The following DIS3L2 variants were observed in gnomAD, a reference collection of about 807,000 sequenced individuals.
The protein encoded by DIS3L2 is DIS3 like 3'-5' exoribonuclease 2.
DIS3L2 carries 34 observed loss-of-function variants against 97.5 expected under a neutral mutation model. The ratio of observed to expected loss-of-function variants is 0.35; its 90% confidence interval spans 0.27 to 0.46. DIS3L2 has a LOEUF of 0.46. DIS3L2 is among the 20% of genes least tolerant of loss of function. The probability of loss-of-function intolerance (pLI) is 1.00; values close to 1 mark genes in which losing one functional copy is unlikely to be tolerated. For missense variants in DIS3L2, 1,038 were observed against 1,146.0 expected (o/e 0.91, Z 1.36); for synonymous variants, 435 against 445.2 (o/e 0.98, Z 0.29).
chr2:232,323,260 G>T (rs1419006979), intron 14 of DIS3L2, among the ~76,000 whole-genome samples: 1 of 152,246 alleles, frequency 6.6e-6, no homozygotes, highest in Non-Finnish European at 1.5e-5. Flanking sequence ...ACCTCTGGGA[G>T]CAGAGCCCGA....
At chr2:232,176,488 T>G (rs1348120805) in intron 9 of DIS3L2, among the ~76,000 whole-genome samples, 3 of 151,982 alleles carry the variant, frequency 2.0e-5, no homozygotes. Flanking sequence ...TACTCTAATC[T>G]TTGTTATTTT....
chr2:232,129,905 G>A (rs1034506841), intron 6 of DIS3L2, among the ~76,000 whole-genome samples: 1 of 152,178 alleles, frequency 6.6e-6, no homozygotes, highest in Non-Finnish European at 1.5e-5. Context: ...AATTTTAAAT[G>A]TTTAGAAGTG....
At chr2:232,228,176 G>A (rs1692696950) in intron 10 of DIS3L2, among the ~76,000 whole-genome samples, 1 of 152,174 alleles carries the variant, frequency 6.6e-6, no homozygotes, top group Admixed American at 6.5e-5. Flanking sequence ...ATGTTGGTCA[G>A]GCTAGTCTCC....
chr2:232,227,168 A>G (rs1692673044), intron 10 of DIS3L2, among the ~76,000 whole-genome samples: 1 of 152,182 alleles, frequency 6.6e-6, no homozygotes, highest in Non-Finnish European at 1.5e-5. Flanking sequence ...TACTATGTCT[A>G]CTTACTTGTT....
intron 9 of DIS3L2, among the ~76,000 whole-genome samples, chr2:232,166,132 A>G (rs1251082096): frequency 6.6e-6 from 1 of 150,914 alleles, no homozygotes; most frequent in Non-Finnish European, 1.5e-5. Context: ...TTAGCCAGGC[A>G]CAGTGGTGTG....
intron 14 of DIS3L2, among the ~76,000 whole-genome samples, chr2:232,313,051 T>C (rs916865028): frequency 6.6e-6 from 1 of 152,086 alleles, no homozygotes; most frequent in Admixed American, 6.5e-5. Flanking sequence ...CTGCAAATAA[T>C]GACAGTTTTA....
rs1314646524 is a variant in DIS3L2, at chr2:232,269,755, A to AGAGG, written c.1659+6318_1659+6319insGGAG. On this transcript the variant is annotated intron_variant, in intron 13 of 20. Transcript: ENST00000325385. The surrounding 1 kb of genome is among the most constrained non-coding windows in gnomAD (Gnocchi z 4.5). ...TTCCAGGGTGTGTGGTGTAGGGTGC[A>AGAGG]GAGAGAGAGAGGAGCTAGAGGAGAC... 2.8e-5 allele frequency among the ~76,000 whole-genome samples: 1 copy of AGAGG among 36,006 alleles called. No individual in the cohort carries two copies. The highest frequency in any genetic ancestry group is 6.8e-4 in the African/African-American group (1 of 1,472). 23.6% of individuals were successfully genotyped at this position (36,006 alleles called of 152,430 possible).
intron 1 of DIS3L2, among the ~76,000 whole-genome samples, chr2:231,993,770 T>C (rs1038063932): frequency 2.0e-5 from 3 of 152,126 alleles, no homozygotes; most frequent in Admixed American, 6.5e-5. Flanking sequence ...TGCATTTTTT[T>C]TTTTTTTTTG....
At chr2:232,018,269 A>G (rs532055178) in intron 3 of DIS3L2, among the ~76,000 whole-genome samples, 10 of 116,866 alleles carry the variant, frequency 8.6e-5, no homozygotes, top group Non-Finnish European at 1.5e-4. Context: ...AAACAAAACA[A>G]AACAAAAATC....
At chr2:232,304,476 G>C (rs953277309) in intron 14 of DIS3L2, among the ~76,000 whole-genome samples, 4 of 152,218 alleles carry the variant, frequency 2.6e-5, no homozygotes, top group African/African-American at 9.7e-5. Flanking sequence ...TTTGGCAGTG[G>C]TAGGAATCGA....
intron 11 of DIS3L2, among the ~76,000 whole-genome samples, chr2:232,244,986 G>T (rs1693210222): frequency 6.6e-6 from 1 of 152,220 alleles, no homozygotes; most frequent in Admixed American, 6.5e-5. Context: ...CATAGGGTTT[G>T]TGGAGCTGGG....
chr2:232,333,428 G>C (rs1265583453), intron 16 of DIS3L2, among the ~76,000 whole-genome samples: 2 of 152,054 alleles, frequency 1.3e-5, no homozygotes, highest in Non-Finnish European at 2.9e-5. Flanking sequence ...CCTCCTGGTG[G>C]TGCTCAGCAG....
chr2:231,972,319 A>G (rs963934820), intron 1 of DIS3L2, among the ~76,000 whole-genome samples: 5 of 152,228 alleles, frequency 3.3e-5, no homozygotes, highest in Non-Finnish European at 4.4e-5. Context: ...ATGTAATTGT[A>G]TCTGCCATAC....
At chr2:231,971,015 T>C (rs973248924) in intron 1 of DIS3L2, among the ~76,000 whole-genome samples, 1 of 152,134 alleles carries the variant, frequency 6.6e-6, no homozygotes, top group Non-Finnish European at 1.5e-5. Flanking sequence ...TCAGTATCAC[T>C]CTCTTCCACC....
chr2:232,218,300 G>C (rs1456987198), intron 10 of DIS3L2, among the ~76,000 whole-genome samples: 1 of 152,200 alleles, frequency 6.6e-6, no homozygotes, highest in Non-Finnish European at 1.5e-5. Flanking sequence ...AGATAGTATA[G>C]AGAACTGACC....
intron 5 of DIS3L2, among the ~76,000 whole-genome samples, chr2:232,085,772 A>G (rs1233825023): frequency 6.6e-6 from 1 of 152,062 alleles, no homozygotes; most frequent in East Asian, 1.9e-4. Context: ...AAACTCATAA[A>G]ATGGATTAGT....
chr2:232,247,150 T>C (rs554689005), intron 11 of DIS3L2, among the ~76,000 whole-genome samples: 4 of 152,234 alleles, frequency 2.6e-5, no homozygotes, highest in Non-Finnish European at 5.9e-5. Context: ...CCTGGACTGA[T>C]GTCATTGCAA....
intron 1 of DIS3L2, among the ~76,000 whole-genome samples, chr2:231,998,558 G>C (rs1693791995): frequency 6.6e-6 from 1 of 152,136 alleles, no homozygotes. Context: ...TGTTTACTTT[G>C]ATCACTTGAT....
chr2:232,046,249 C>T (rs1695240909), intron 5 of DIS3L2, among the ~76,000 whole-genome samples: 1 of 152,130 alleles, frequency 6.6e-6, no homozygotes. Context: ...TTCTGCCTGT[C>T]CTCTCTAATA....
Sources: allele counts gnomAD v4.1 joint callset (sites outside exome capture counted in the v4.1 genomes callset), GRCh38; gene constraint gnomAD v4.1.1; non-coding constraint Gnocchi (gnomAD v3.1); transcripts MANE v1.5; gene names NCBI Gene and HGNC (gene_info 2026-07-23, HGNC 2026-07-21).